XKR9: variants seen among roughly 807,000 people sequenced by gnomAD.
XKR9 encodes the protein XK related 9.
Under a neutral mutation model 32.0 loss-of-function variants are expected in XKR9, and 32 were observed. That is an observed-to-expected ratio of 1.00 (90% CI 0.76 to 1.34). The LOEUF (loss-of-function observed/expected upper bound fraction) is 1.34, where lower values mean the gene tolerates loss of function less well. XKR9 is among the 40% of genes most tolerant of loss of function. The pLI, the probability that XKR9 is intolerant of heterozygous loss-of-function variation, is 0.00. For missense variants in XKR9, 546 were observed against 429.7 expected, an observed-to-expected ratio of 1.27 and a Z score of -2.39; for synonymous variants, 168 against 143.4, an observed-to-expected ratio of 1.17 and a Z score of -1.22.
chr8:70,980,235 G>A, the XKR9 span, among the ~76,000 whole-genome samples: 29 of 152,314 alleles, frequency 1.9e-4, no homozygotes, highest in East Asian at 2.9e-3. Flanking sequence ...GTGATGCCCC[G>A]CCCTGCTTTG....
the XKR9 span, among the ~76,000 whole-genome samples, chr8:70,881,503 CAT>C: frequency 1.3e-5 from 2 of 152,138 alleles, no homozygotes; most frequent in African/African-American, 2.4e-5. Context: ...AGCCAACAGA[CAT>C]ATGAAAAAAT....
the XKR9 span, among the ~76,000 whole-genome samples, chr8:70,885,152 G>A: frequency 2.0e-5 from 3 of 151,692 alleles, no homozygotes; most frequent in Non-Finnish European, 4.4e-5. Context: ...GTGATGTTGT[G>A]TTTTAAATTT....
At chr8:70,746,426 T>A (rs1160184401) in intron 2 of XKR9, among the ~76,000 whole-genome samples, 2 of 147,736 alleles carry the variant, frequency 1.4e-5, no homozygotes, top group African/African-American at 4.9e-5. Context: ...ATTGTATATA[T>A]GATATATAGA....
the XKR9 span, among the ~76,000 whole-genome samples, chr8:70,934,458 T>C: frequency 2.0e-5 from 3 of 152,032 alleles, no homozygotes; most frequent in African/African-American, 4.8e-5. Flanking sequence ...TTTGGGACAA[T>C]AAATACGATG....
At chr8:71,051,891 A>C in the XKR9 span, among the ~76,000 whole-genome samples, 1 of 152,252 alleles carries the variant, frequency 6.6e-6, no homozygotes, top group Non-Finnish European at 1.5e-5. Flanking sequence ...AAGTTGTATC[A>C]GTTTCCACAG....
chr8:70,765,412 T>G (rs1296737756), intron 2 of XKR9, among the ~76,000 whole-genome samples: 1 of 152,220 alleles, frequency 6.6e-6, no homozygotes, highest in Non-Finnish European at 1.5e-5. Context: ...TTTGTTCATA[T>G]CTTTGTCCAC....
At chr8:70,940,402 C>T in the XKR9 span, among the ~76,000 whole-genome samples, 1 of 152,158 alleles carries the variant, frequency 6.6e-6, no homozygotes, top group East Asian at 1.9e-4. Flanking sequence ...AAGTCAGACA[C>T]ATTGGTTTGA....
chr8:70,675,995 G>A (rs1193703222), intron 2 of XKR9, among the ~76,000 whole-genome samples: 2 of 152,096 alleles, frequency 1.3e-5, no homozygotes, highest in South Asian at 2.1e-4. Flanking sequence ...TTCTTGCATT[G>A]CTATAAAGAA....
At chr8:70,902,521 T>C in the XKR9 span, among the ~76,000 whole-genome samples, 6 of 152,264 alleles carry the variant, frequency 3.9e-5, no homozygotes, top group South Asian at 2.1e-4. Context: ...GAGACTTTGC[T>C]GAAGTTGCTT....
Position 70,734,538 on chromosome 8 carries a change from G to T in XKR9, c.*114G>T, listed in dbSNP as rs1429054004. ...TTTTGCCACCTTTAATTTGAAATTA[G>T]TTCAGTGAAATAGGAGATACATAGT... On this transcript the variant is annotated 3_prime_UTR_variant, in exon 5 of 5. Transcript: ENST00000408926. 3.0e-6 allele frequency: 4 copies of T among 1,336,454 alleles called. No individual in the cohort carries two copies. The East Asian group carries it at 1.1e-4, about 37-fold the overall frequency. 82.8% of individuals were successfully genotyped at this position (1,336,454 alleles called of 1,614,324 possible).
the XKR9 span, among the ~76,000 whole-genome samples, chr8:70,905,851 A>G: frequency 3.3e-5 from 5 of 152,306 alleles, no homozygotes; most frequent in East Asian, 9.7e-4. Context: ...CTAACAGTCA[A>G]GACTCTCAGC....
At chr8:70,706,009 C>T (rs1477377599) in intron 3 of XKR9, among the ~76,000 whole-genome samples, 1 of 152,064 alleles carries the variant, frequency 6.6e-6, no homozygotes, top group East Asian at 1.9e-4. Context: ...GGAATTATTC[C>T]CACATTTTTG....
chr8:70,961,130 A>C, the XKR9 span, among the ~76,000 whole-genome samples: 1 of 152,242 alleles, frequency 6.6e-6, no homozygotes, highest in African/African-American at 2.4e-5. Context: ...AGATTGCATC[A>C]CTGCATTCCA....
chr8:70,746,432 A>G (rs1356108701), intron 2 of XKR9, among the ~76,000 whole-genome samples: 1 of 147,922 alleles, frequency 6.8e-6, no homozygotes, highest in Non-Finnish European at 1.5e-5. Context: ...TATATGATAT[A>G]TAGAAATATA....
At chr8:70,686,282 A>T (rs2132122261) in intron 3 of XKR9, among the ~76,000 whole-genome samples, 1 of 142,710 alleles carries the variant, frequency 7.0e-6, no homozygotes, top group East Asian at 2.0e-4. Flanking sequence ...TGTGTTGCTC[A>T]GGCTGGAGTG....
At chr8:71,007,162 G>A in the XKR9 span, among the ~76,000 whole-genome samples, 2 of 152,188 alleles carry the variant, frequency 1.3e-5, no homozygotes, top group African/African-American at 4.8e-5. Context: ...AGAGGGTGGT[G>A]GAAGAAATGT....
At chr8:70,685,481 A>C (rs1336685724) in intron 3 of XKR9, among the ~76,000 whole-genome samples, 1 of 129,784 alleles carries the variant, frequency 7.7e-6, no homozygotes, top group Admixed American at 7.7e-5. Context: ...TGTACCGTAA[A>C]ACTTAAAGTA....
intron 2 of XKR9, among the ~76,000 whole-genome samples, chr8:70,742,251 A>T (rs1337952252): frequency 6.6e-6 from 1 of 152,238 alleles, no homozygotes; most frequent in African/African-American, 2.4e-5. Flanking sequence ...TCTTTGAGAA[A>T]GTTAAGCAGT....
chr8:70,998,114 T>C, the XKR9 span, among the ~76,000 whole-genome samples: 5 of 152,226 alleles, frequency 3.3e-5, no homozygotes, highest in Non-Finnish European at 7.3e-5. Flanking sequence ...GAAGTAGCAC[T>C]AACAGCTATG....
Sources: gnomAD v4.1 joint callset for allele counts (sites outside exome capture counted in the v4.1 genomes callset) on GRCh38, gnomAD v4.1.1 for gene constraint, MANE v1.5 for transcripts, NCBI Gene and HGNC (gene_info 2026-07-23, HGNC 2026-07-21) for gene names.